CCM2: variants seen among roughly 807,000 people sequenced by gnomAD.
CCM2 encodes the protein CCM2 scaffold protein.
CCM2 carries 25 observed loss-of-function variants against 44.9 expected under a neutral mutation model. That is an observed-to-expected ratio of 0.56 (90% CI 0.41 to 0.78). The LOEUF (loss-of-function observed/expected upper bound fraction) is 0.78. CCM2 is among the 30% of genes least tolerant of loss of function. The pLI is 0.00. For missense variants in CCM2, 481 were observed against 580.6 expected (o/e 0.83, Z 1.76); for synonymous variants, 219 against 241.1 (o/e 0.91, Z 0.85).
chr7:45,008,039 A>ATT (rs66538861), intron 1 of CCM2, among the ~76,000 whole-genome samples: 7 of 127,562 alleles, frequency 5.5e-5, no homozygotes, highest in Non-Finnish European at 1.1e-4. Flanking sequence ...GGTGGGGTAC[A>ATT]TTTTTTTTTT....
At chr7:45,074,139 C>T in intron 8 of CCM2, 131 bp from the exon 9 acceptor site, 1 of 1,541,670 alleles carries the variant, frequency 6.5e-7, no homozygotes, top group Non-Finnish European at 8.7e-7. Context: ...TTCTGATGCC[C>T]CAGCCTGTGC....
intron 2 of CCM2, among the ~76,000 whole-genome samples, chr7:45,048,677 C>T (rs777494769): frequency 1.4e-4 from 22 of 151,978 alleles, no homozygotes; most frequent in Non-Finnish European, 2.4e-4. Flanking sequence ...GCAGGAGATT[C>T]GCTTGAACCC....
At chr7:45,052,159 G>A (rs1174082984) in intron 2 of CCM2, among the ~76,000 whole-genome samples, 3 of 152,222 alleles carry the variant, frequency 2.0e-5, no homozygotes, top group African/African-American at 7.2e-5. Flanking sequence ...GCAGGCAGGA[G>A]AGGCAAACCC....
rs769718546 is a variant in CCM2, at chr7:45,072,772, A to C, written c.792A>C (p.Glu264Asp). ...KVDIKETYEV[E>D]ASTFCFPESV... ...ACATTAAGGAGACCTACGAGGTGGA[A>C]GCCAGCACTTTGTGAGTGCACATGC... Residue 264 changes from glutamate to aspartate, a missense_variant, in exon 7 of 10, where the codon GAA (glutamate) becomes GAC (aspartate). Transcript: ENST00000258781. 3 of 1,612,484 alleles carry C rather than the reference A, an allele frequency of 1.9e-6. No homozygotes were observed. In the South Asian group the frequency reaches 3.3e-5, roughly 18 times the overall value.
At chr7:45,036,192 C>T (rs1017282222) in intron 1 of CCM2, among the ~76,000 whole-genome samples, 4 of 152,094 alleles carry the variant, frequency 2.6e-5, no homozygotes, top group African/African-American at 4.8e-5. Flanking sequence ...GTGACAGAGG[C>T]GTGGTGGCAG....
At chr7:45,048,592 A>G (rs1216979593) in intron 2 of CCM2, among the ~76,000 whole-genome samples, 1 of 152,146 alleles carries the variant, frequency 6.6e-6, no homozygotes, top group Non-Finnish European at 1.5e-5. Flanking sequence ...GTGAAACCCC[A>G]TCTCTACTAA....
At chr7:45,028,853 A>G (rs1175136483) in intron 1 of CCM2, among the ~76,000 whole-genome samples, 1 of 151,778 alleles carries the variant, frequency 6.6e-6, no homozygotes, top group Non-Finnish European at 1.5e-5. Context: ...GTGGAAATTC[A>G]CATAGGCAGG....
At chr7:45,065,008 AC>A (rs1312416977) in intron 4 of CCM2, among the ~76,000 whole-genome samples, 1 of 152,126 alleles carries the variant, frequency 6.6e-6, no homozygotes, top group Non-Finnish European at 1.5e-5. Context: ...TAGGGACCTC[AC>A]CTCAGCTTGA....
At chr7:45,038,904 T>C (rs529226612) in intron 2 of CCM2, among the ~76,000 whole-genome samples, 1 of 152,344 alleles carries the variant, frequency 6.6e-6, no homozygotes, top group South Asian at 2.1e-4. Flanking sequence ...CATAAGTTGA[T>C]TTTTAATCCC....
intron 2 of CCM2, among the ~76,000 whole-genome samples, chr7:45,039,203 T>C (rs914571258): frequency 7.2e-5 from 11 of 152,148 alleles, no homozygotes; most frequent in African/African-American, 2.4e-4. Flanking sequence ...AAGATGGGGC[T>C]TTGGACGTGC....
intron 1 of CCM2, among the ~76,000 whole-genome samples, chr7:45,008,297 C>T (rs1006651298): frequency 5.1e-4 from 77 of 151,844 alleles, no homozygotes; most frequent in African/African-American, 1.8e-3. Flanking sequence ...CTCGTCCTCC[C>T]GAAGTCCTGA....
intron 2 of CCM2, among the ~76,000 whole-genome samples, chr7:45,059,198 T>A (rs983461303): frequency 1.3e-5 from 2 of 152,118 alleles, no homozygotes; most frequent in Non-Finnish European, 2.9e-5. Flanking sequence ...TATTTGAACA[T>A]TGAATTAGCC....
At chr7:45,006,768 C>T (rs1562854321) in intron 1 of CCM2, among the ~76,000 whole-genome samples, 1 of 152,146 alleles carries the variant, frequency 6.6e-6, no homozygotes. Context: ...CATTGGAGGA[C>T]TCATGGAGAA....
chr7:45,007,630 G>A (rs189443662), intron 1 of CCM2, among the ~76,000 whole-genome samples: 5 of 152,212 alleles, frequency 3.3e-5, no homozygotes, highest in Admixed American at 3.3e-4. Context: ...TTGACCATAG[G>A]CATTAGATGT....
intron 1 of CCM2, chr7:45,027,634 A>T (rs1796748476): frequency 6.2e-7 from 1 of 1,613,272 alleles, no homozygotes; most frequent in African/African-American, 1.3e-5. Context: ...CTTCCTGTTC[A>T]GTCATGTTTT....
intron 1 of CCM2, among the ~76,000 whole-genome samples, chr7:45,016,268 G>A (rs1047849690): frequency 6.6e-5 from 10 of 152,352 alleles, no homozygotes; most frequent in Middle Eastern, 3.4e-3. Context: ...TATAGGAGGA[G>A]TTATGAATAT....
chr7:45,044,920 T>C (rs1797680855), intron 2 of CCM2, among the ~76,000 whole-genome samples: 1 of 152,206 alleles, frequency 6.6e-6, no homozygotes, highest in Non-Finnish European at 1.5e-5. Flanking sequence ...ATAACTAAAC[T>C]CTAACCGATC....
At position 45,074,261 on chromosome 7, in the gene CCM2, C is replaced by T. The variant is rs867158013; in HGVS notation, c.916-9C>T. ...GCCCAGCCCCCTATCTGGCTCTGCT[C>T]TCTTGCAGCTGCGCACCAAGCTGTC... is the stretch of plus-strand genomic sequence containing the variant. On this transcript the variant is annotated splice_polypyrimidine_tract_variant and intron_variant, in intron 8 of 9. Transcript: ENST00000258781. 1.4e-5 allele frequency: 23 copies of T among 1,613,358 alleles called. No homozygotes were observed. Among genetic ancestry groups the T allele is most frequent in the South Asian group, 2.2e-5 (2 of 91,072 alleles).
At chr7:45,073,227 C>G in intron 7 of CCM2, 1 of 599,650 alleles carries the variant, frequency 1.7e-6, no homozygotes, top group Admixed American at 2.7e-5. Flanking sequence ...TGTGTACTCC[C>G]TCTCTTCACT....
Sources: allele counts gnomAD v4.1 joint callset (sites outside exome capture counted in the v4.1 genomes callset), GRCh38; gene constraint gnomAD v4.1.1; transcripts MANE v1.5; gene names NCBI Gene and HGNC (gene_info 2026-07-23, HGNC 2026-07-21).